UNC13B: variants seen among roughly 807,000 people sequenced by gnomAD.
UNC13B encodes protein unc-13 homolog B.
In UNC13B, 144 loss-of-function variants were observed where a neutral mutation model predicts 211.0. That is an observed-to-expected ratio of 0.68 (90% confidence interval 0.60 to 0.78). The LOEUF is 0.78. Ranked by LOEUF, UNC13B falls within the 30% of genes least tolerant of loss-of-function variation. UNC13B has a pLI of 0.00. For missense variants in UNC13B, 1,777 were observed against 2,002.0 expected (o/e 0.89, Z 2.14); for synonymous variants, 709 against 725.8 (o/e 0.98, Z 0.37).
chr9:35,227,467 C>CTG (rs1437234015), intron 1 of UNC13B, among the ~76,000 whole-genome samples: 11 of 152,120 alleles, frequency 7.2e-5, no homozygotes, highest in Admixed American at 1.3e-4. Flanking sequence ...CAGGAGTTGG[C>CTG]ATGTGCACTC....
intron 27 of UNC13B, 27 bp from the exon 28 acceptor site, chr9:35,396,814 G>C (rs1418079482): frequency 5.0e-6 from 8 of 1,614,008 alleles, no homozygotes; most frequent in Middle Eastern, 1.7e-4. Flanking sequence ...CTAGTTCTAA[G>C]CCCCTGTTCT....
chr9:35,276,002 G>A (rs887704175), intron 7 of UNC13B, among the ~76,000 whole-genome samples: 1 of 152,032 alleles, frequency 6.6e-6, no homozygotes, highest in African/African-American at 2.4e-5. Context: ...TCTGTTCTAA[G>A]GATTTATTTA....
chr9:35,187,630 G>A (rs2131329728), intron 1 of UNC13B, among the ~76,000 whole-genome samples: 1 of 152,232 alleles, frequency 6.6e-6, no homozygotes, highest in Non-Finnish European at 1.5e-5. Context: ...TTCTACATAG[G>A]CCTTTTGAAT....
At chr9:35,243,426 G>A in intron 6 of UNC13B, 62 bp downstream of exon 6, 2 of 1,574,940 alleles carry the variant, frequency 1.3e-6, no homozygotes, top group Non-Finnish European at 8.7e-7. Flanking sequence ...CTCTTTATAG[G>A]TTGCCCAGGG....
At chr9:35,342,907 AAG>A (rs748340161) in intron 11 of UNC13B, among the ~76,000 whole-genome samples, 3 of 151,950 alleles carry the variant, frequency 2.0e-5, no homozygotes. Flanking sequence ...GAGAGAGAGA[AAG>A]AGAGAGAGAG....
rs1165124784 is a variant in UNC13B, at chr9:35,400,353, G to T, written c.12394G>T (p.Asp4132Tyr). Reference protein sequence around the residue: ...LKKTFLEKSPDLQSLRYALSL... With the variant: ...LKKTFLEKSPYLQSLRYALSL... Reference sequence around the variant, plus strand: ...GAAAACCTTCCTGGAGAAGAGCCCAGATCTGCAGTCTCTACGCTATGCCCT... The same window carrying T: ...GAAAACCTTCCTGGAGAAGAGCCCATATCTGCAGTCTCTACGCTATGCCCT... The change falls in exon 37 of 40, where the codon GAT becomes TAT. Residue 4132 changes from aspartate to tyrosine, a missense_variant. Transcript: ENST00000635942. The T allele has an allele frequency of 3.7e-6, 6 of 1,614,186 alleles. 1 individual carries two copies. The South Asian group carries it at 6.6e-5, about 18-fold the overall frequency.
chr9:35,195,688 T>C (rs901351387), intron 1 of UNC13B, among the ~76,000 whole-genome samples: 2 of 152,240 alleles, frequency 1.3e-5, no homozygotes. Context: ...TTCATAATTC[T>C]CAGAGGGCCA....
At chr9:35,364,659 G>A in intron 11 of UNC13B, 1 of 1,336,244 alleles carries the variant, frequency 7.5e-7, no homozygotes, top group Non-Finnish European at 1.0e-6. Context: ...GTGTGTGTGT[G>A]TGTGTACATG....
At chr9:35,180,928 T>TAAAA (rs11427601) in intron 1 of UNC13B, among the ~76,000 whole-genome samples, 2 of 140,972 alleles carry the variant, frequency 1.4e-5, no homozygotes. Flanking sequence ...ACCCTGTCTT[T>TAAAA]AAAAAAAAAA....
chr9:35,173,440 T>TGGG (rs1189866510), intron 1 of UNC13B, among the ~76,000 whole-genome samples: 1 of 150,024 alleles, frequency 6.7e-6, no homozygotes, highest in African/African-American at 2.4e-5. Context: ...TTTTTTTTTT[T>TGGG]GGGGACAGAG....
chr9:35,255,884 T>C, intron 6 of UNC13B, among the ~76,000 whole-genome samples: 1 of 152,146 alleles, frequency 6.6e-6, no homozygotes, highest in Non-Finnish European at 1.5e-5. Context: ...AAGGGGGTCT[T>C]TTTGGAAAAT....
chr9:35,398,850 A>C (rs1836067584), intron 32 of UNC13B, 32 bp from the exon 33 acceptor site: 2 of 1,601,662 alleles, frequency 1.2e-6, no homozygotes, highest in South Asian at 2.2e-5. Flanking sequence ...GTGTTTGGGG[A>C]GGGAAAGGCT....
At position 35,403,832 on chromosome 9, in the gene UNC13B, G is replaced by A. The variant is rs1836506905; in HGVS notation, c.12822G>A (p.Val4274=). 2 of 1,614,082 alleles carry A rather than the reference G, an allele frequency of 1.2e-6. No individual in the cohort carries two copies. The highest frequency in any genetic ancestry group is 2.7e-5 in the African/African-American group (2 of 74,914). Residue 4274 remains valine, a synonymous_variant, in exon 40 of 40, where the codon GTG becomes GTA. Transcript: ENST00000635942. ...KDYCFAREDR[V]LGLAVMPLRD... is the part of the protein sequence containing the mutation. The stretch of plus-strand genomic sequence containing the variant: ...ACTGCTTTGCCCGGGAAGATCGCGT[G>A]CTAGGGCTGGCTGTGATGCCTCTGA...
chr9:35,180,220 A>G (rs1462676073), intron 1 of UNC13B, among the ~76,000 whole-genome samples: 2 of 151,984 alleles, frequency 1.3e-5, no homozygotes, highest in Non-Finnish European at 2.9e-5. Context: ...TTTGAGAGAG[A>G]CCTTATAGAG....
At chr9:35,289,858 TC>T (rs1189161157) in intron 7 of UNC13B, among the ~76,000 whole-genome samples, 1 of 152,118 alleles carries the variant, frequency 6.6e-6, no homozygotes, top group African/African-American at 2.4e-5. Flanking sequence ...GCGCCTGTAA[TC>T]CCAGCTTCTT....
At position 35,310,626 on chromosome 9, in the gene UNC13B, A is replaced by C. The variant is rs1337876122; in HGVS notation, c.9168A>C (p.Gln3056His). The C allele has an allele frequency of 2.5e-6, 4 of 1,613,912 alleles. No homozygotes were observed. The African/African-American group carries it at 5.3e-5, about 22-fold the overall frequency. Residue 3056 changes from glutamine (Q) to histidine (H), a missense_variant, in exon 10 of 40, where the codon CAA (glutamine) becomes CAC (histidine). By Grantham distance (24) the Gln-to-His change is conservative. Transcript: ENST00000635942. The part of the protein sequence containing the change: ...HSSHSLSRDG[Q>H]AGFGEQEKPL... The stretch of plus-strand genomic sequence containing the variant: ...CTCACAGCCTGTCCAGAGATGGCCA[A>C]GCAGGTTTTGGAGAACAAGAGAAAC...
chr9:35,188,256 G>A (rs547510589), intron 1 of UNC13B, among the ~76,000 whole-genome samples: 1 of 152,210 alleles, frequency 6.6e-6, no homozygotes, highest in Non-Finnish European at 1.5e-5. Context: ...TTAAAGTCCT[G>A]TAGCTTGATT....
rs893780863 is a variant in UNC13B, at chr9:35,366,170, A to G, written c.9415-777A>G. Among the ~76,000 whole-genome samples, 5 of 152,356 alleles carry G rather than the reference A, an allele frequency of 3.3e-5. No individual in the cohort carries two copies. In the South Asian group the frequency reaches 6.2e-4, roughly 19 times the overall value. On this transcript the variant is annotated intron_variant, in intron 11 of 39. Transcript: ENST00000635942. ...TGTTAGCCTGAAAAAAGCATGTGCT[A>G]TTGGACCTCTGGAGCACTCTGGCAG...
At chr9:35,232,603 C>T (rs1165817720) in intron 3 of UNC13B, among the ~76,000 whole-genome samples, 1 of 151,988 alleles carries the variant, frequency 6.6e-6, no homozygotes, top group Non-Finnish European at 1.5e-5. Context: ...GAAGTAGAAC[C>T]AAAACATTTT....
Sources: allele counts gnomAD v4.1 joint callset (sites outside exome capture counted in the v4.1 genomes callset), GRCh38; gene constraint gnomAD v4.1.1; transcripts MANE v1.5; gene names NCBI Gene and HGNC (gene_info 2026-07-23, HGNC 2026-07-21).